Variants in BMP6 observed in about 807,000 individuals in gnomAD.
BMP6 encodes the protein bone morphogenetic protein 6.
In BMP6, 17 loss-of-function variants were observed where a neutral mutation model predicts 54.1. The observed-to-expected ratio is 0.31, with a 90% CI of 0.22 to 0.47. The LOEUF (loss-of-function observed/expected upper bound fraction) is 0.47. BMP6 is among the 20% of genes least tolerant of loss of function. The pLI is 1.00. For synonymous variants in BMP6, 328 were observed against 291.2 expected, an observed-to-expected ratio of 1.13 and a Z score of -1.28; for missense variants, 720 against 690.4, an observed-to-expected ratio of 1.04 and a Z score of -0.48.
rs1255106344 is a variant in BMP6, at chr6:7,727,030, GCCGCTGCGGCCGCCCTTGC to G, written c.83_101del (p.Arg28ProfsTer96). ...TGCTGTGCAGCTGCTGCGGGCCCCC[GCCGCTGCGGCCGCCCTTGC>G]CCGCTGCCGCGGCCGCCGCCGCCGG... On this transcript the variant is annotated frameshift_variant, in exon 1 of 7. Transcript: ENST00000283147. LOFTEE classifies it high-confidence loss of function. The G allele has an allele frequency of 9.0e-7, 1 of 1,117,132 alleles. No individual in the cohort carries two copies. The highest frequency in any genetic ancestry group is 1.7e-5 in the African/African-American group (1 of 59,916). 69.2% of individuals were successfully genotyped at this position (1,117,132 alleles called of 1,614,324 possible).
intron 4 of BMP6, among the ~76,000 whole-genome samples, chr6:7,875,789 C>T (rs1461439222): frequency 6.6e-6 from 1 of 152,160 alleles, no homozygotes; most frequent in Non-Finnish European, 1.5e-5. Flanking sequence ...GAGAGAAAAG[C>T]GTACCAGGGA....
intron 1 of BMP6, among the ~76,000 whole-genome samples, chr6:7,752,801 A>G (rs1413553053): frequency 6.6e-6 from 1 of 152,164 alleles, no homozygotes; most frequent in Non-Finnish European, 1.5e-5. Context: ...CGTGGATTAT[A>G]ATTTAGATAT....
intron 2 of BMP6, among the ~76,000 whole-genome samples, chr6:7,855,611 G>A (rs755950831): frequency 7.0e-6 from 1 of 143,118 alleles, no homozygotes; most frequent in African/African-American, 2.6e-5. Context: ...GCTCAGGCTG[G>A]GGTGCAGTGG....
intron 1 of BMP6, among the ~76,000 whole-genome samples, chr6:7,774,792 T>G (rs1280860058): frequency 6.6e-6 from 1 of 152,230 alleles, no homozygotes; most frequent in Non-Finnish European, 1.5e-5. Flanking sequence ...CTTAGTTCTT[T>G]TTTGGTTGCT....
intron 1 of BMP6, among the ~76,000 whole-genome samples, chr6:7,835,218 G>C (rs1758854680): frequency 6.6e-6 from 1 of 152,176 alleles, no homozygotes; most frequent in Admixed American, 6.5e-5. Flanking sequence ...CGCCTCCCGG[G>C]TTCACGCCAT....
At chr6:7,749,450 G>C (rs1381705699) in intron 1 of BMP6, among the ~76,000 whole-genome samples, 1 of 152,094 alleles carries the variant, frequency 6.6e-6, no homozygotes, top group Non-Finnish European at 1.5e-5. Flanking sequence ...TCCATAAAAT[G>C]GTATTTCTAT....
At chr6:7,732,098 T>C (rs1021942956) in intron 1 of BMP6, among the ~76,000 whole-genome samples, 4 of 152,180 alleles carry the variant, frequency 2.6e-5, no homozygotes, top group Non-Finnish European at 5.9e-5. Flanking sequence ...TGTAACTAGA[T>C]ATAATGCGCT....
chr6:7,841,810 G>A (rs1435118005), intron 1 of BMP6, among the ~76,000 whole-genome samples: 1 of 152,190 alleles, frequency 6.6e-6, no homozygotes, highest in East Asian at 1.9e-4. Flanking sequence ...AGTACTTCAT[G>A]ATATTGTTGT....
chr6:7,857,515 C>T (rs1759265896), intron 2 of BMP6, among the ~76,000 whole-genome samples: 1 of 152,166 alleles, frequency 6.6e-6, no homozygotes, highest in Admixed American at 6.5e-5. Flanking sequence ...GAGTATGTCA[C>T]CTCAATAGGA....
At chr6:7,802,346 T>TG (rs1581253663) in intron 1 of BMP6, among the ~76,000 whole-genome samples, 1 of 152,202 alleles carries the variant, frequency 6.6e-6, no homozygotes, top group African/African-American at 2.4e-5. Flanking sequence ...GCACCAGCTA[T>TG]GATGGTAATG....
At chr6:7,757,620 A>G (rs566969029) in intron 1 of BMP6, among the ~76,000 whole-genome samples, 1 of 152,288 alleles carries the variant, frequency 6.6e-6, no homozygotes, top group South Asian at 2.1e-4. Flanking sequence ...CCTAGTACCT[A>G]TGGCAACTGT....
intron 1 of BMP6, among the ~76,000 whole-genome samples, chr6:7,780,491 G>C (rs1308844922): frequency 3.3e-5 from 5 of 151,712 alleles, no homozygotes; most frequent in African/African-American, 9.7e-5. Context: ...GGAGGTTGTA[G>C]TGAGCCGAGA....
intron 1 of BMP6, among the ~76,000 whole-genome samples, chr6:7,731,479 A>G (rs887081991): frequency 6.6e-6 from 1 of 152,014 alleles, no homozygotes; most frequent in Non-Finnish European, 1.5e-5. Flanking sequence ...AAATTTGCTT[A>G]CTCATTTGTT....
intron 1 of BMP6, among the ~76,000 whole-genome samples, chr6:7,761,809 T>G (rs1247592559): frequency 6.6e-6 from 1 of 152,224 alleles, no homozygotes; most frequent in Non-Finnish European, 1.5e-5. Flanking sequence ...ATCGCTCAGT[T>G]GTCATTTGTC....
At chr6:7,803,635 C>T (rs1758304761) in intron 1 of BMP6, among the ~76,000 whole-genome samples, 1 of 152,166 alleles carries the variant, frequency 6.6e-6, no homozygotes, top group African/African-American at 2.4e-5. Flanking sequence ...ATCCCCTTCA[C>T]CATGCCTCTC....
At chr6:7,761,711 C>A (rs772429696) in intron 1 of BMP6, among the ~76,000 whole-genome samples, 21 of 152,168 alleles carry the variant, frequency 1.4e-4, no homozygotes, top group Non-Finnish European at 5.9e-5. Context: ...ATGGTGGCTC[C>A]TTCAAAAAGG....
Position 7,727,289 on chromosome 6 carries a change from G to A in BMP6, c.334G>A (p.Glu112Lys). ...PQPPALRQQE[E>K]QQQQQQLPRG... ...GCCCCCGGCGCTCCGGCAGCAGGAG[G>A]AGCAGCAGCAGCAGCAGCAGCTGCC... The change falls in exon 1 of 7, where the codon GAG (glutamate) becomes AAG (lysine). Residue 112 changes from glutamate (E) to lysine (K), a missense_variant. This residue lies in a region of BMP6 where 650 missense variants were observed against 556.3 expected (regional missense o/e 1.17). Transcript: ENST00000283147. 11 of 1,605,896 alleles carry A rather than the reference G, an allele frequency of 6.8e-6. No individual in the cohort carries two copies. The highest frequency in any genetic ancestry group is 7.6e-6 in the Non-Finnish European group (9 of 1,177,238).
chr6:7,824,098 G>A lies in BMP6; in HGVS notation c.665-21042G>A, dbSNP rs115896504. Among the ~76,000 whole-genome samples, 1,189 of 152,274 alleles carry A rather than the reference G, an allele frequency of 7.8e-3. 13 individuals are homozygous for A. Among genetic ancestry groups the A allele is most frequent in the African/African-American group, 0.027 (1,123 of 41,550 alleles). On this transcript the variant is annotated intron_variant, in intron 1 of 6. Coordinates refer to ENST00000283147, the MANE Select transcript of BMP6 (RefSeq NM_001718.6). ...TGGTTTAGTCCACAGTGTTAGTGGT[G>A]GAGGTGGTGAGCAGATTGGGTACTG... is the stretch of plus-strand genomic sequence containing the variant.
At chr6:7,824,249 G>A (rs960973179) in intron 1 of BMP6, among the ~76,000 whole-genome samples, 1 of 152,188 alleles carries the variant, frequency 6.6e-6, no homozygotes, top group Non-Finnish European at 1.5e-5. Flanking sequence ...GTTGTGGTTG[G>A]CTGAAGATAG....
Sources: gnomAD v4.1 joint callset for allele counts (sites outside exome capture counted in the v4.1 genomes callset) on GRCh38, gnomAD v4.1.1 for gene constraint, gnomAD v4.1.1 regional missense constraint, MANE v1.5 for transcripts, NCBI Gene and HGNC (gene_info 2026-07-23, HGNC 2026-07-21) for gene names.